The following ACTR3C variants were observed in gnomAD, a reference collection of about 807,000 sequenced individuals.
ACTR3C encodes the protein actin related protein 3C.
A neutral mutation model predicts 26.3 loss-of-function variants in ACTR3C; 18 were observed. That is an observed-to-expected ratio of 0.68 (90% CI 0.47 to 1.01). ACTR3C has a LOEUF of 1.01. ACTR3C is among the 50% of genes least tolerant of loss of function. The probability of loss-of-function intolerance (pLI) is 0.00; values close to 1 mark genes in which losing one functional copy is unlikely to be tolerated. For missense variants in ACTR3C, 184 were observed against 250.7 expected, an observed-to-expected ratio of 0.73 and a Z score of 1.80; for synonymous variants, 55 against 94.5, an observed-to-expected ratio of 0.58 and a Z score of 2.42.
chr7:150,232,375 T>C, the ACTR3C span, among the ~76,000 whole-genome samples: 1 of 152,180 alleles, frequency 6.6e-6, no homozygotes, highest in East Asian at 1.9e-4. Context: ...CTATTGATAT[T>C]ATTAGGTTAA....
chr7:150,029,410 A>AC, the ACTR3C span, among the ~76,000 whole-genome samples: 13 of 97,254 alleles, frequency 1.3e-4, no homozygotes, highest in South Asian at 3.7e-4. Flanking sequence ...AAACAAAAAA[A>AC]AAAAAAACAA....
At chr7:150,141,450 C>T in the ACTR3C span, among the ~76,000 whole-genome samples, 1 of 151,854 alleles carries the variant, frequency 6.6e-6, no homozygotes, top group African/African-American at 2.4e-5. Flanking sequence ...ATGCTATGTG[C>T]CAGGGAAAGA....
chr7:150,319,609 C>T (rs1427690078), intron 1 of ACTR3C, among the ~76,000 whole-genome samples: 1 of 152,228 alleles, frequency 6.6e-6, no homozygotes, highest in Non-Finnish European at 1.5e-5. Context: ...GTGCCTTTGA[C>T]TTTGGGAAGA....
the ACTR3C span, among the ~76,000 whole-genome samples, chr7:150,178,313 G>A: frequency 7.9e-5 from 11 of 139,208 alleles, no homozygotes; most frequent in South Asian, 6.7e-4. Context: ...ACAGAGTTTC[G>A]CTCTTGTTGC....
At chr7:150,097,464 C>T in the ACTR3C span, among the ~76,000 whole-genome samples, 14,369 of 151,572 alleles carry the variant, frequency 0.095, 1,030 homozygotes, top group Middle Eastern at 0.18. Context: ...AGGAGTTCTG[C>T]GGGTCACCTA....
chr7:149,953,531 G>C, the ACTR3C span, among the ~76,000 whole-genome samples: 1 of 151,888 alleles, frequency 6.6e-6, no homozygotes, highest in African/African-American at 2.4e-5. Context: ...ATCTACTGCA[G>C]ATGATAATTC....
intron 4 of ACTR3C, among the ~76,000 whole-genome samples, chr7:150,288,843 C>T (rs1299902090): frequency 6.7e-6 from 1 of 150,034 alleles, no homozygotes; most frequent in Non-Finnish European, 1.5e-5. Flanking sequence ...CATGCCAGTG[C>T]CTCCTGACCT....
chr7:150,034,740 A>G, the ACTR3C span, among the ~76,000 whole-genome samples: 3 of 151,068 alleles, frequency 2.0e-5, no homozygotes, highest in Admixed American at 2.0e-4. Context: ...GGTGGGTCCT[A>G]AGGATCCTAG....
the ACTR3C span, chr7:150,045,093 T>C: frequency 6.6e-6 from 1 of 152,254 alleles, no homozygotes; most frequent in Non-Finnish European, 1.5e-5. Flanking sequence ...GTGTTCCTAA[T>C]TCATTGCATA....
At chr7:150,049,283 C>A in the ACTR3C span, among the ~76,000 whole-genome samples, 1 of 148,580 alleles carries the variant, frequency 6.7e-6, no homozygotes, top group Non-Finnish European at 1.5e-5. Flanking sequence ...GCTGGGCACG[C>A]GTCTCTCTCG....
chr7:150,085,364 G>A, the ACTR3C span, among the ~76,000 whole-genome samples: 1 of 152,166 alleles, frequency 6.6e-6, no homozygotes, highest in Non-Finnish European at 1.5e-5. Context: ...CACGCGGGAA[G>A]ACAGAACCGG....
chr7:150,163,158 AAAAG>A, the ACTR3C span, among the ~76,000 whole-genome samples: 43 of 151,580 alleles, frequency 2.8e-4, no homozygotes, highest in South Asian at 4.2e-4. Context: ...AGTCTCAAAA[AAAAG>A]AAAAAAAAGT....
the ACTR3C span, among the ~76,000 whole-genome samples, chr7:149,958,661 A>C: frequency 4.6e-4 from 70 of 152,244 alleles, no homozygotes; most frequent in Non-Finnish European, 9.1e-4. Flanking sequence ...CATACACGTA[A>C]AACATCTTGG....
chr7:150,131,259 T>C, the ACTR3C span, among the ~76,000 whole-genome samples: 1 of 151,762 alleles, frequency 6.6e-6, no homozygotes, highest in East Asian at 1.9e-4. Context: ...CAAGGTATCC[T>C]GACTTAGGTA....
At position 150,280,789 on chromosome 7, in the gene ACTR3C, C is replaced by A. The variant is rs187154748; in HGVS notation, c.564+3964G>T. On this transcript the variant is annotated intron_variant, in intron 6 of 7. Transcript: ENST00000683684. Reference sequence around the variant, plus strand: ...TGCACCTTAAATATGCACAATTTTCCTGCTCTTGATGTGTGTGTGTGTGTG... The same window carrying A: ...TGCACCTTAAATATGCACAATTTTCATGCTCTTGATGTGTGTGTGTGTGTG... Among the ~76,000 whole-genome samples the A allele has an allele frequency of 8.4e-4, 121 of 144,524 alleles. 1 individual carries two copies. The East Asian group carries it at 0.021, about 25-fold the overall frequency. 94.8% of individuals were successfully genotyped at this position (144,524 alleles called of 152,430 possible). A position where few individuals can be genotyped will look rare whatever the true frequency, so the allele number is the denominator to read the frequency against.
chr7:150,081,391 T>A, the ACTR3C span, among the ~76,000 whole-genome samples: 1 of 151,618 alleles, frequency 6.6e-6, no homozygotes, highest in Admixed American at 6.6e-5. Flanking sequence ...AAGGAGAGGC[T>A]GGCTTTAGAC....
At chr7:149,898,523 A>G in the ACTR3C span, among the ~76,000 whole-genome samples, 2 of 152,008 alleles carry the variant, frequency 1.3e-5, no homozygotes, top group Non-Finnish European at 2.9e-5. Context: ...GGCCAACATG[A>G]TGAAACCACA....
chr7:150,135,578 A>G, the ACTR3C span, among the ~76,000 whole-genome samples: 1 of 152,212 alleles, frequency 6.6e-6, no homozygotes, highest in Non-Finnish European at 1.5e-5. Context: ...GTGAACTAAT[A>G]AAAGCATTAA....
the ACTR3C span, among the ~76,000 whole-genome samples, chr7:149,888,160 T>TA: frequency 6.6e-6 from 1 of 152,250 alleles, no homozygotes; most frequent in African/African-American, 2.4e-5. Context: ...ACCTGACTGA[T>TA]ACAATACTGT....
Sources: allele counts gnomAD v4.1 joint callset (sites outside exome capture counted in the v4.1 genomes callset), GRCh38; gene constraint gnomAD v4.1.1; transcripts MANE v1.5; gene names NCBI Gene and HGNC (gene_info 2026-07-23, HGNC 2026-07-21).